The following PSMA3 variants were observed in gnomAD, a reference collection of about 807,000 sequenced individuals.
The protein encoded by PSMA3 is proteasome 20S subunit alpha 3.
In PSMA3, 8 loss-of-function variants were observed where a neutral mutation model predicts 40.0. That is an observed-to-expected ratio of 0.20 (90% CI 0.12 to 0.36). The LOEUF is 0.36. Among genes scored for constraint, PSMA3 ranks in the 10% least tolerant of loss-of-function variants. PSMA3 has a pLI of 1.00. For missense variants in PSMA3, 219 were observed against 310.6 expected, an observed-to-expected ratio of 0.70 and a Z score of 2.22; for synonymous variants, 110 against 100.0, an observed-to-expected ratio of 1.10 and a Z score of -0.59.
At chr14:58,258,988 G>C (rs1449355149) in intron 5 of PSMA3, among the ~76,000 whole-genome samples, 1 of 152,178 alleles carries the variant, frequency 6.6e-6, no homozygotes, top group Admixed American at 6.5e-5. Context: ...CTGGAGTGCA[G>C]TGGTGCCATC....
At chr14:58,263,645 T>C (rs1481783621) in intron 6 of PSMA3, 60 bp from the exon 7 acceptor site, 4 of 1,319,920 alleles carry the variant, frequency 3.0e-6, no homozygotes, top group Non-Finnish European at 4.3e-6. Context: ...ACATTAGTAG[T>C]CATTAATTAC....
chr14:58,253,906 C>T (rs532776312), intron 3 of PSMA3, among the ~76,000 whole-genome samples: 2 of 152,066 alleles, frequency 1.3e-5, no homozygotes, highest in Non-Finnish European at 2.9e-5. Context: ...GCATTTTATT[C>T]TTTTTAAAGG....
chr14:58,257,359 G>C (rs538053334), intron 3 of PSMA3, among the ~76,000 whole-genome samples: 1 of 151,332 alleles, frequency 6.6e-6, no homozygotes, highest in Non-Finnish European at 1.5e-5. Context: ...TTAGCCGGGC[G>C]TGGTGGCAGG....
chr14:58,248,603 T>C (rs1889930166), intron 2 of PSMA3, among the ~76,000 whole-genome samples: 1 of 152,148 alleles, frequency 6.6e-6, no homozygotes, highest in Non-Finnish European at 1.5e-5. Flanking sequence ...TATGCAAATA[T>C]GAGGAAATAT....
intron 3 of PSMA3, among the ~76,000 whole-genome samples, chr14:58,254,585 C>T (rs943979318): frequency 6.6e-6 from 1 of 151,622 alleles, no homozygotes; most frequent in Admixed American, 6.6e-5. Context: ...ATCCTCCCGC[C>T]TCAGCTTCTT....
intron 3 of PSMA3, among the ~76,000 whole-genome samples, chr14:58,255,084 T>C (rs891172320): frequency 1.3e-5 from 2 of 152,148 alleles, no homozygotes; most frequent in African/African-American, 4.8e-5. Flanking sequence ...GTCTCAGTAG[T>C]TTTTCTCATG....
intron 2 of PSMA3, 101 bp from the exon 3 acceptor site, chr14:58,252,018 C>T (rs1890022562): frequency 5.9e-6 from 7 of 1,177,314 alleles, no homozygotes; most frequent in Non-Finnish European, 8.3e-6. Context: ...AGGTATTTGG[C>T]ATGCCTTAAA....
chr14:58,262,208 C>T (rs1258082730), intron 6 of PSMA3, among the ~76,000 whole-genome samples: 1 of 151,982 alleles, frequency 6.6e-6, no homozygotes, highest in Non-Finnish European at 1.5e-5. Context: ...GGATTACAGG[C>T]GTGAGCCACA....
intron 10 of PSMA3, among the ~76,000 whole-genome samples, chr14:58,271,486 T>TA (rs373555008): frequency 6.3e-4 from 96 of 152,012 alleles, no homozygotes; most frequent in African/African-American, 2.2e-3. Context: ...CATGCCACCA[T>TA]ACCTGGCTAC....
At chr14:58,245,024 G>C in intron 1 of PSMA3, 83 bp downstream of exon 1, 1 of 1,591,674 alleles carries the variant, frequency 6.3e-7, no homozygotes, top group South Asian at 1.1e-5. Flanking sequence ...TGGGGTTCGC[G>C]GACCCGGGGT....
chr14:58,268,709 C>G (rs570243633), intron 8 of PSMA3: 2 of 152,310 alleles, frequency 1.3e-5, no homozygotes, highest in South Asian at 2.1e-4. Context: ...TTCTTACCAT[C>G]TTTTATATTT....
chr14:58,253,330 TA>T (rs1436331388), intron 3 of PSMA3, among the ~76,000 whole-genome samples: 3 of 152,134 alleles, frequency 2.0e-5, no homozygotes, highest in African/African-American at 7.2e-5. Context: ...GCACAGCAAG[TA>T]AAGAAAAGCT....
intron 1 of PSMA3, 42 bp downstream of exon 1, chr14:58,244,983 T>C (rs1312017848): frequency 7.4e-6 from 12 of 1,613,804 alleles, no homozygotes; most frequent in African/African-American, 1.3e-5. Context: ...AACCTAAGGA[T>C]TGGGGTTGAA....
At chr14:58,250,558 T>C (rs959464637) in intron 2 of PSMA3, among the ~76,000 whole-genome samples, 4 of 152,104 alleles carry the variant, frequency 2.6e-5, no homozygotes, top group African/African-American at 7.2e-5. Flanking sequence ...GCCAGACCCT[T>C]AGGAGTTTAA....
intron 6 of PSMA3, chr14:58,263,503 T>C (rs558044957): frequency 1.9e-5 from 8 of 429,536 alleles, no homozygotes; most frequent in East Asian, 3.7e-5. Context: ...TTATTAAAAA[T>C]ACAGGTTGTT....
intron 3 of PSMA3, among the ~76,000 whole-genome samples, chr14:58,253,995 G>A (rs537000962): frequency 3.8e-4 from 58 of 151,432 alleles, no homozygotes; most frequent in African/African-American, 1.4e-3. Context: ...GATTTTTCTC[G>A]TCACCCAGGT....
chr14:58,268,717 T>C (rs1890519546), intron 8 of PSMA3: 1 of 152,228 alleles, frequency 6.6e-6, no homozygotes, highest in Non-Finnish European at 1.5e-5. Flanking sequence ...ATCTTTTATA[T>C]TTAGGTATAA....
chr14:58,246,467 T>C (rs538791062), intron 1 of PSMA3, among the ~76,000 whole-genome samples: 1 of 152,322 alleles, frequency 6.6e-6, no homozygotes, highest in Admixed American at 6.5e-5. Context: ...GGCACGATCT[T>C]GGCTCACTGC....
chr14:58,270,364 C>T (rs184406144), intron 8 of PSMA3, 54 bp from the exon 9 acceptor site: 4 of 1,602,558 alleles, frequency 2.5e-6, no homozygotes, highest in African/African-American at 2.7e-5. Context: ...GGTCTGTGAA[C>T]TACTTCAATG....
Sources: gnomAD v4.1 joint callset for allele counts (sites outside exome capture counted in the v4.1 genomes callset) on GRCh38, gnomAD v4.1.1 for gene constraint, MANE v1.5 for transcripts, NCBI Gene and HGNC (gene_info 2026-07-23, HGNC 2026-07-21) for gene names.